The following ZNF221 variants were observed in gnomAD, a reference collection of about 807,000 sequenced individuals.
ZNF221 encodes the protein zinc finger protein 221.
ZNF221 carries 10 observed loss-of-function variants against 12.6 expected under a neutral mutation model. The ratio of observed to expected loss-of-function variants is 0.79; its 90% confidence interval spans 0.49 to 1.34. The LOEUF is 1.34. Ranked by LOEUF, ZNF221 falls within the 40% of genes most tolerant of loss-of-function variation. The probability of loss-of-function intolerance (pLI) is 0.00; values close to 1 mark genes in which losing one functional copy is unlikely to be tolerated. For missense variants in ZNF221, 661 were observed against 721.4 expected (o/e 0.92, Z 0.96); for synonymous variants, 232 against 244.0 (o/e 0.95, Z 0.46).
In ZNF221 at chr19:43,957,765, A is replaced by G. The variant is rs545286367; in HGVS notation, c.-2-4960A>G. ...AAGGGAAGCTGAGACAGCAAATCTG[A>G]TAAGGCTTCTAGGACTGTTGTTCAG... On this transcript the variant is annotated intron_variant, in intron 1 of 4. Coordinates refer to ENST00000587682, the MANE Select transcript of ZNF221 (RefSeq NM_001297588.2). Among the ~76,000 whole-genome samples the G allele has an allele frequency of 2.5e-4, 38 of 152,332 alleles. 1 individual carries two copies. Among genetic ancestry groups the G allele is most frequent in the Admixed American group, 6.5e-5 (1 of 15,304 alleles).
intron 1 of ZNF221, among the ~76,000 whole-genome samples, chr19:43,961,091 G>A (rs1157384706): frequency 6.6e-6 from 1 of 152,152 alleles, no homozygotes; most frequent in East Asian, 1.9e-4. Flanking sequence ...GTGGGACATG[G>A]AGTCAAGGAT....
chr19:43,962,683 C>G lies in ZNF221; in HGVS notation c.-2-42C>G, dbSNP rs1206584210. 2.5e-6 allele frequency: 4 copies of G among 1,576,728 alleles called. No individual in the cohort carries two copies. The African/African-American group carries it at 5.4e-5, about 21-fold the overall frequency. ...TGTTGGTGGTCGGCATTCCTAGTTA[C>G]CATTTCCTGTCTGTTTTTCTGCCTT... On this transcript the variant is annotated intron_variant, in intron 1 of 4. Transcript: ENST00000587682.
intron 1 of ZNF221, among the ~76,000 whole-genome samples, chr19:43,955,365 C>T (rs567109298): frequency 9.9e-5 from 15 of 152,154 alleles, no homozygotes; most frequent in African/African-American, 2.9e-4. Context: ...GAACATGTCT[C>T]GATTTAGCCC....
At chr19:43,963,105 A>G (rs930030223) in intron 2 of ZNF221, among the ~76,000 whole-genome samples, 3 of 152,176 alleles carry the variant, frequency 2.0e-5, no homozygotes, top group African/African-American at 7.2e-5. Context: ...ATGTACATTC[A>G]TAACTGTATT....
Position 43,967,284 on chromosome 19 carries a change from G to A in ZNF221, c.1782G>A (p.Val594=). Residue 594 remains valine, a synonymous_variant, in exon 5 of 5, where the codon GTG becomes GTA. Transcript: ENST00000587682. ...GAGAAAAGCCATTGAAATCTGGAGT[G>A]TGGGAAGAGATCTACTCAGAATTCA... ...HSGEKPLKSG[V]WEEIYSEFTA... is the part of the protein sequence containing the mutation. The A allele has an allele frequency of 6.2e-7, 1 of 1,614,050 alleles. No individual in the cohort carries two copies. Among genetic ancestry groups the A allele is most frequent in the Middle Eastern group, 1.6e-4 (1 of 6,062 alleles).
downstream of ZNF221, among the ~76,000 whole-genome samples, chr19:43,968,533 T>G (rs1487829067): frequency 6.6e-6 from 1 of 152,116 alleles, no homozygotes; most frequent in Non-Finnish European, 1.5e-5. Flanking sequence ...TATTAAAGGA[T>G]CAAAAGGAGA....
At chr19:43,956,522 G>A (rs367614051) in intron 1 of ZNF221, among the ~76,000 whole-genome samples, 44 of 150,938 alleles carry the variant, frequency 2.9e-4, no homozygotes, top group African/African-American at 1.0e-3. Flanking sequence ...TCTCTTATGC[G>A]AAACACTGAG....
At chr19:43,974,227 C>T in the ZNF221 span, among the ~76,000 whole-genome samples, 6 of 10,118 alleles carry the variant, frequency 5.9e-4, no homozygotes, top group African/African-American at 6.5e-4. Context: ...GGACCCCTTC[C>T]TTACAAACAT....
chr19:43,975,121 TGTG>T, the ZNF221 span, among the ~76,000 whole-genome samples: 1 of 152,144 alleles, frequency 6.6e-6, no homozygotes, highest in Non-Finnish European at 1.5e-5. Context: ...GTTGAACCAT[TGTG>T]GAAGACAGTG....
the ZNF221 span, among the ~76,000 whole-genome samples, chr19:43,980,597 C>T: frequency 2.6e-5 from 4 of 152,268 alleles, no homozygotes; most frequent in African/African-American, 9.6e-5. Flanking sequence ...ACATACATAC[C>T]AGAGGGAAGA....
chr19:43,962,814 A>G lies in ZNF221; in HGVS notation c.81+7A>G. On this transcript the variant is annotated splice_region_variant and intron_variant, in intron 2 of 4. Coordinates refer to ENST00000587682, the MANE Select transcript of ZNF221 (RefSeq NM_001297588.2). ...AAAAATGACCACATTCAAAGTGAGTAGGGCTTGCCTCTCTTGCTGTTAAAA... is the reference window on the plus strand; with the variant it reads ...AAAAATGACCACATTCAAAGTGAGTGGGGCTTGCCTCTCTTGCTGTTAAAA... The G allele has an allele frequency of 4.3e-6, 7 of 1,611,252 alleles. No homozygotes were observed. Among genetic ancestry groups the G allele is most frequent in the East Asian group, 2.2e-5 (1 of 44,824 alleles).
chr19:43,967,051 C>CA lies in ZNF221; in HGVS notation c.1550dup (p.Ser518GlufsTer20). On this transcript the variant is annotated frameshift_variant, in exon 5 of 5. Coordinates refer to ENST00000587682, the MANE Select transcript of ZNF221 (RefSeq NM_001297588.2). LOFTEE classifies it low-confidence loss of function (END_TRUNC). ...TGAAGAGTGTGGAAAGAGATTTACT[C>CA]AGAGTTCACAACTTCATTCCCATCA... The CA allele has an allele frequency of 6.3e-7, 1 of 1,596,168 alleles. No individual in the cohort carries two copies. The highest frequency in any genetic ancestry group is 8.6e-7 in the Non-Finnish European group (1 of 1,169,296).
In ZNF221 at chr19:43,962,714, G is replaced by A. The variant is rs755185106; in HGVS notation, c.-2-11G>A. The A allele has an allele frequency of 9.5e-5, 153 of 1,613,520 alleles. No individual in the cohort carries two copies. The highest frequency in any genetic ancestry group is 1.2e-4 in the Non-Finnish European group (138 of 1,179,706). On this transcript the variant is annotated splice_polypyrimidine_tract_variant and intron_variant, in intron 1 of 4. Transcript: ENST00000587682. ...CCTGTCTGTTTTTCTGCCTTTCCTG[G>A]CACTTTCCAGGCATGATTTCACCTT...
intron 2 of ZNF221, among the ~76,000 whole-genome samples, chr19:43,964,722 A>G (rs117943491): frequency 0.018 from 2,784 of 152,274 alleles, 28 homozygotes; most frequent in South Asian, 0.052. Context: ...GCACAAAGTA[A>G]AAGTACAGGA....
chr19:43,962,500 C>T (rs1974861710), intron 1 of ZNF221, among the ~76,000 whole-genome samples: 1 of 152,164 alleles, frequency 6.6e-6, no homozygotes, highest in Non-Finnish European at 1.5e-5. Context: ...TGAGCCAGTT[C>T]TTCACTCCTT....
chr19:43,962,944 T>G (rs383133), intron 2 of ZNF221, 137 bp downstream of exon 2: 138,380 of 710,554 alleles, frequency 0.19, 15,342 homozygotes, highest in Admixed American at 0.29. Context: ...CTTCCTTTGC[T>G]GCTTTTGAAT....
chr19:43,952,941 C>A (rs965419194), intron 1 of ZNF221, among the ~76,000 whole-genome samples: 10 of 151,964 alleles, frequency 6.6e-5, no homozygotes, highest in African/African-American at 2.2e-4. Context: ...AGATAGTAAC[C>A]ATTAAGCTTA....
chr19:43,963,768 C>T (rs959514737), intron 2 of ZNF221, among the ~76,000 whole-genome samples: 15 of 152,166 alleles, frequency 9.9e-5, no homozygotes, highest in African/African-American at 3.6e-4. Flanking sequence ...AGCCATTCTG[C>T]TCATTTATAA....
At chr19:43,975,420 C>T in the ZNF221 span, among the ~76,000 whole-genome samples, 1 of 152,168 alleles carries the variant, frequency 6.6e-6, no homozygotes. Context: ...CCGTTATCCT[C>T]AGCAAACTAA....
Sources: gnomAD v4.1 joint callset for allele counts (sites outside exome capture counted in the v4.1 genomes callset) on GRCh38, gnomAD v4.1.1 for gene constraint, MANE v1.5 for transcripts, NCBI Gene and HGNC (gene_info 2026-07-23, HGNC 2026-07-21) for gene names.